Variants in MAP3K20 observed in about 807,000 individuals in gnomAD.
MAP3K20 encodes the protein mitogen-activated protein kinase kinase kinase 20.
A neutral mutation model predicts 85.7 loss-of-function variants in MAP3K20; 40 were observed. That is an observed-to-expected ratio of 0.47 (90% confidence interval 0.36 to 0.61). The LOEUF (loss-of-function observed/expected upper bound fraction) is 0.61. Among genes scored for constraint, MAP3K20 ranks in the 20% least tolerant of loss-of-function variants. The pLI is 0.00. For synonymous variants in MAP3K20, 325 were observed against 327.7 expected, an observed-to-expected ratio of 0.99 and a Z score of 0.09; for missense variants, 817 against 961.7, an observed-to-expected ratio of 0.85 and a Z score of 1.99.
rs184616423 is a variant in MAP3K20, at chr2:173,124,414, C to T, written c.159+33224C>T. Among the ~76,000 whole-genome samples the T allele has an allele frequency of 2.8e-3, 430 of 152,204 alleles. 7 individuals carry two copies. The highest frequency in any genetic ancestry group is 3.9e-3 in the Non-Finnish European group (266 of 68,012). ...GCAGATTGGAAGAGGGCCTGCTCCC[C>T]GGGCTGTGACTGAGACCTCATTGGA... On this transcript the variant is annotated intron_variant, in intron 2 of 19. Coordinates refer to ENST00000375213, the MANE Select transcript of MAP3K20 (RefSeq NM_016653.3).
rs750883128 is a variant in MAP3K20 at position 173,217,623 on chromosome 2, CTG to C, written c.987+375_987+376del. On this transcript the variant is annotated intron_variant, in intron 11 of 19. Transcript: ENST00000375213. The stretch of plus-strand genomic sequence containing the variant: ...CTTCTAGTCACTCAGTCATTAATAA[CTG>C]TAACTCCAGCAGCTCACTGACTAAC... Among the ~76,000 whole-genome samples, 98 of 152,308 alleles carry C rather than the reference CTG, an allele frequency of 6.4e-4. 1 individual carries two copies. The highest frequency in any genetic ancestry group is 1.9e-3 in the African/African-American group (81 of 41,566).
At chr2:173,217,353 C>T (rs1222119717) in intron 11 of MAP3K20, 103 bp downstream of exon 11, 5 of 1,314,378 alleles carry the variant, frequency 3.8e-6, no homozygotes, top group Non-Finnish European at 4.9e-6. Context: ...CCGCCCCCTC[C>T]TCATTTCCTG....
rs187883106 is a variant in MAP3K20, at chr2:173,108,383, G to A, written c.159+17193G>A. Among the ~76,000 whole-genome samples, 1,514 of 152,194 alleles carry A rather than the reference G, an allele frequency of 9.9e-3. 13 individuals are homozygous for A. The highest frequency in any genetic ancestry group is 0.013 in the Non-Finnish European group (868 of 67,998). ...TGACCTCAGGTGATCCGCCCGCCTC[G>A]GCCTCCCAAAGTGCTGGGATTATAG... On this transcript the variant is annotated intron_variant, in intron 2 of 19. Transcript: ENST00000375213.
intron 2 of MAP3K20, among the ~76,000 whole-genome samples, chr2:173,093,932 T>A (rs2106151506): frequency 7.3e-6 from 1 of 137,154 alleles, no homozygotes; most frequent in East Asian, 2.2e-4. Flanking sequence ...ATGTGGGAAT[T>A]GAACAATGAG....
chr2:173,195,145 T>TGAAA (rs1280146099), intron 7 of MAP3K20, among the ~76,000 whole-genome samples: 1 of 140,404 alleles, frequency 7.1e-6, no homozygotes, highest in Non-Finnish European at 1.5e-5. Flanking sequence ...CAAAAATCAC[T>TGAAA]GAAAGAATAA....
chr2:173,232,813 A>G (rs1475912332), intron 14 of MAP3K20, among the ~76,000 whole-genome samples: 1 of 152,138 alleles, frequency 6.6e-6, no homozygotes, highest in Non-Finnish European at 1.5e-5. Flanking sequence ...CTCCATCAAC[A>G]AATCTTTATT....
chr2:173,122,700 G>A (rs975397750), intron 2 of MAP3K20, among the ~76,000 whole-genome samples: 1 of 152,148 alleles, frequency 6.6e-6, no homozygotes, highest in African/African-American at 2.4e-5. Flanking sequence ...CAGTATTGTA[G>A]TAAACTGCAT....
chr2:173,200,052 T>C (rs1238939471), intron 8 of MAP3K20, among the ~76,000 whole-genome samples: 1 of 152,218 alleles, frequency 6.6e-6, no homozygotes, highest in Non-Finnish European at 1.5e-5. Context: ...CTTCCCACAC[T>C]GTATTCATTA....
intron 2 of MAP3K20, among the ~76,000 whole-genome samples, chr2:173,106,642 A>G (rs995737547): frequency 1.3e-5 from 2 of 152,166 alleles, no homozygotes; most frequent in African/African-American, 2.4e-5. Context: ...TCCTGAGTAC[A>G]TTGAAGGAAA....
At position 173,190,886 on chromosome 2, in the gene MAP3K20, T is replaced by G; in HGVS notation, c.416-9T>G. The G allele has an allele frequency of 6.3e-7, 1 of 1,582,696 alleles. No homozygotes were observed. The highest frequency in any genetic ancestry group is 8.6e-7 in the Non-Finnish European group (1 of 1,159,352). ...GATTGTCATAATTTATCCTTTTTTC[T>G]TTTTTTAGTTGTTATAGCTGCTGAT... On this transcript the variant is annotated splice_polypyrimidine_tract_variant and intron_variant, in intron 5 of 19. Transcript: ENST00000375213.
At chr2:173,197,994 A>AAAAT in intron 7 of MAP3K20, 32 bp from the exon 8 acceptor site, 1 of 1,593,682 alleles carries the variant, frequency 6.3e-7, no homozygotes, top group Non-Finnish European at 8.6e-7. Context: ...ATAAAGTACA[A>AAAAT]AAATAAAAAT....
At chr2:173,265,915 C>A in intron 19 of MAP3K20, 135 bp from the exon 20 acceptor site, 2 of 862,954 alleles carry the variant, frequency 2.3e-6, no homozygotes, top group Non-Finnish European at 3.5e-6. Flanking sequence ...CGTCCTTATA[C>A]ATAGCCTAGA....
chr2:173,158,183 A>C (rs1689538120), intron 2 of MAP3K20, among the ~76,000 whole-genome samples: 1 of 152,212 alleles, frequency 6.6e-6, no homozygotes, highest in African/African-American at 2.4e-5. Flanking sequence ...GTAAGGGTTC[A>C]ATCTACAGGA....
At position 173,179,701 on chromosome 2, in the gene MAP3K20, T is replaced by TGC. The variant is rs947672172; in HGVS notation, c.248-3150_248-3149dup. ...CCTATAGGTAGAAAATCCTAAGGAA[T>TGC]GCGCACACACACACACACACACACA... On this transcript the variant is annotated intron_variant, in intron 3 of 19. Transcript: ENST00000375213. Among the ~76,000 whole-genome samples, 248 of 95,688 alleles carry TGC rather than the reference T, an allele frequency of 2.6e-3. 6 individuals carry two copies. The East Asian group carries it at 0.034, about 13-fold the overall frequency. 62.8% of individuals were successfully genotyped at this position (95,688 alleles called of 152,430 possible).
At position 173,223,731 on chromosome 2, in the gene MAP3K20, C is replaced by T. The variant is rs997769669; in HGVS notation, c.988-5958C>T. ...CTAAAAGATGGATTCCCCCACATAC[C>T]CATGCTACTAGTTTCTCTGTCTATT... On this transcript the variant is annotated intron_variant, in intron 11 of 19. Coordinates refer to ENST00000375213, the MANE Select transcript of MAP3K20 (RefSeq NM_016653.3). The T allele has an allele frequency of 5.1e-6, 5 of 985,274 alleles. No individual in the cohort carries two copies. In the African/African-American group the frequency reaches 7.0e-5, roughly 14 times the overall value. 61.0% of individuals were successfully genotyped at this position (985,274 alleles called of 1,614,324 possible).
At position 173,169,803 on chromosome 2, in the gene MAP3K20, A is replaced by G; in HGVS notation, c.160-2A>G. ...CAACTTTGCATTTTATTTTTTGTAC[A>G]GGCAGAAATACTCAGTGTCCTCAGT... On this transcript the variant is annotated splice_acceptor_variant, in intron 2 of 19. Coordinates refer to ENST00000375213, the MANE Select transcript of MAP3K20 (RefSeq NM_016653.3). LOFTEE classifies it high-confidence loss of function. 1 of 1,609,830 alleles carries G rather than the reference A, an allele frequency of 6.2e-7. No homozygotes were observed. Among genetic ancestry groups the G allele is most frequent in the Non-Finnish European group, 8.5e-7 (1 of 1,178,882 alleles).
chr2:173,132,550 C>T (rs1161446334), intron 2 of MAP3K20, among the ~76,000 whole-genome samples: 2 of 152,190 alleles, frequency 1.3e-5, no homozygotes, highest in Non-Finnish European at 2.9e-5. Context: ...CCCTCCTTGC[C>T]TCCACCCAGG....
intron 16 of MAP3K20, among the ~76,000 whole-genome samples, chr2:173,247,483 G>A (rs866681279): frequency 6.6e-6 from 1 of 152,088 alleles, no homozygotes; most frequent in African/African-American, 2.4e-5. Context: ...TTACTTTGAT[G>A]TATCTTGCGT....
intron 1 of MAP3K20, among the ~76,000 whole-genome samples, chr2:173,083,660 CAG>C (rs1203782616): frequency 7.9e-5 from 12 of 152,248 alleles, no homozygotes; most frequent in African/African-American, 1.7e-4. Flanking sequence ...AGATAAGACT[CAG>C]GGGAAAAAAA....
Sources: allele counts gnomAD v4.1 joint callset (sites outside exome capture counted in the v4.1 genomes callset), GRCh38; gene constraint gnomAD v4.1.1; transcripts MANE v1.5; gene names NCBI Gene and HGNC (gene_info 2026-07-23, HGNC 2026-07-21).